Variants in DCC observed in about 807,000 individuals in gnomAD.
DCC encodes the protein DCC netrin 1 receptor, also known as netrin receptor DCC.
DCC carries 58 observed loss-of-function variants against 172.5 expected under a neutral mutation model. The observed-to-expected ratio is 0.34, with a 90% confidence interval of 0.27 to 0.42. The LOEUF (loss-of-function observed/expected upper bound fraction) is 0.42. Among genes scored for constraint, DCC ranks in the 10% least tolerant of loss-of-function variants. The probability of loss-of-function intolerance (pLI) is 1.00; values close to 1 mark genes in which losing one functional copy is unlikely to be tolerated. For synonymous variants in DCC, 709 were observed against 644.5 expected (o/e 1.10, Z -1.52); for missense variants, 1,740 against 1,791.0 (o/e 0.97, Z 0.51).
intron 5 of DCC, among the ~76,000 whole-genome samples, chr18:52,931,343 A>G (rs17391470): frequency 0.26 from 40,073 of 152,026 alleles, 5,494 homozygotes; most frequent in Admixed American, 0.33. Flanking sequence ...TAAGAATTTA[A>G]TCATATTTGT....
chr18:53,530,428 C>T (rs1265572716), intron 28 of DCC, 136 bp from the exon 29 acceptor site: 6 of 730,736 alleles, frequency 8.2e-6, no homozygotes, highest in African/African-American at 5.2e-5. Context: ...TGAGTATATT[C>T]CAAGGACAGC....
intron 5 of DCC, among the ~76,000 whole-genome samples, chr18:52,972,322 A>AT: frequency 6.6e-6 from 1 of 152,316 alleles, no homozygotes; most frequent in Admixed American, 6.5e-5. Flanking sequence ...TTTGTGTAAC[A>AT]TGCCACTAAA....
At chr18:53,281,530 T>C (rs978432866) in intron 12 of DCC, among the ~76,000 whole-genome samples, 1 of 152,198 alleles carries the variant, frequency 6.6e-6, no homozygotes, top group Non-Finnish European at 1.5e-5. Context: ...TTTTAGGTAC[T>C]GTTCAATCTA....
intron 11 of DCC, 104 bp downstream of exon 11, chr18:53,207,921 G>C (rs2055678878): frequency 9.0e-7 from 1 of 1,105,790 alleles, no homozygotes; most frequent in Non-Finnish European, 1.4e-6. Flanking sequence ...AAGGCTTCCT[G>C]ACTAAAATTT....
At chr18:53,048,394 G>A (rs767069740) in intron 5 of DCC, among the ~76,000 whole-genome samples, 5 of 151,578 alleles carry the variant, frequency 3.3e-5, no homozygotes, top group Non-Finnish European at 7.4e-5. Context: ...TTCTGTTTCT[G>A]CGTTAGTTTG....
chr18:53,487,005 A>G, intron 26 of DCC, 47 bp downstream of exon 26: 2 of 1,611,238 alleles, frequency 1.2e-6, no homozygotes, highest in Non-Finnish European at 1.7e-6. Flanking sequence ...GAATAATAGC[A>G]AAGGTGTCTT....
chr18:52,888,779 A>C (rs1372308692), intron 2 of DCC, among the ~76,000 whole-genome samples: 1 of 152,082 alleles, frequency 6.6e-6, no homozygotes, highest in Non-Finnish European at 1.5e-5. Context: ...TTAGCAAGAA[A>C]ACATGTGAAG....
chr18:52,752,511 T>C (rs2037014099), intron 2 of DCC, 137 bp downstream of exon 2: 3 of 725,608 alleles, frequency 4.1e-6, no homozygotes, highest in Non-Finnish European at 4.7e-6. Context: ...CAAGTAATTA[T>C]ATATTTTTAT....
At chr18:53,206,202 AATAC>A (rs1377451729) in intron 10 of DCC, among the ~76,000 whole-genome samples, 11 of 121,518 alleles carry the variant, frequency 9.1e-5, no homozygotes, top group Admixed American at 8.2e-4. Flanking sequence ...ATACATATAT[AATAC>A]ATATACATGT....
At chr18:53,228,274 TAAAA>T (rs962395090) in intron 12 of DCC, among the ~76,000 whole-genome samples, 11 of 151,992 alleles carry the variant, frequency 7.2e-5, no homozygotes, top group African/African-American at 2.4e-4. Flanking sequence ...AAATAAAAAA[TAAAA>T]AATCCAGATG....
chr18:53,050,646 G>A (rs997829010), intron 5 of DCC, among the ~76,000 whole-genome samples: 8 of 152,182 alleles, frequency 5.3e-5, no homozygotes, highest in Non-Finnish European at 1.0e-4. Context: ...CTTTGCTGAA[G>A]TTGTTTATCA....
chr18:53,109,588 C>T (rs1014499033), intron 7 of DCC, among the ~76,000 whole-genome samples: 15 of 144,932 alleles, frequency 1.0e-4, no homozygotes, highest in South Asian at 2.3e-4. Context: ...CTCCCTCCCT[C>T]CTTCCTTCCT....
intron 1 of DCC, among the ~76,000 whole-genome samples, chr18:52,657,726 AC>A (rs1568278592): frequency 6.6e-6 from 1 of 152,172 alleles, no homozygotes; most frequent in Non-Finnish European, 1.5e-5. Flanking sequence ...ATATGTCTAT[AC>A]ACCTATTTCT....
chr18:52,649,062 A>G (rs2035071497), intron 1 of DCC, among the ~76,000 whole-genome samples: 1 of 152,168 alleles, frequency 6.6e-6, no homozygotes, highest in Admixed American at 6.5e-5. Flanking sequence ...TAAAATACGC[A>G]GAAGAACTGT....
intron 21 of DCC, among the ~76,000 whole-genome samples, chr18:53,432,005 G>A (rs1599145073): frequency 1.3e-5 from 2 of 151,826 alleles, no homozygotes; most frequent in African/African-American, 4.8e-5. Flanking sequence ...TAAAAATTTA[G>A]TATGATATGC....
intron 21 of DCC, among the ~76,000 whole-genome samples, chr18:53,421,821 A>T (rs17507725): frequency 0.43 from 65,662 of 152,016 alleles, 15,986 homozygotes; most frequent in Non-Finnish European, 0.56. Context: ...TAGAATAAAA[A>T]CTCAGGCATA....
At chr18:53,392,232 T>A (rs1908594599) in intron 17 of DCC, among the ~76,000 whole-genome samples, 1 of 152,130 alleles carries the variant, frequency 6.6e-6, no homozygotes, top group African/African-American at 2.4e-5. Flanking sequence ...TATCTTTTTT[T>A]TTTTTCCATT....
chr18:52,348,449 G>A (rs1225714098), intron 1 of DCC, among the ~76,000 whole-genome samples: 5 of 152,160 alleles, frequency 3.3e-5, no homozygotes, highest in Non-Finnish European at 5.9e-5. Flanking sequence ...TTTGCTTCAT[G>A]CCTCTGCCAA....
intron 1 of DCC, among the ~76,000 whole-genome samples, chr18:52,462,014 C>T (rs1988645766): frequency 6.6e-6 from 1 of 152,146 alleles, no homozygotes; most frequent in Admixed American, 6.5e-5. Flanking sequence ...AACTTTGGTA[C>T]CATTTTTGAC....
Sources: allele counts gnomAD v4.1 joint callset (sites outside exome capture counted in the v4.1 genomes callset), GRCh38; gene constraint gnomAD v4.1.1; transcripts MANE v1.5; gene names NCBI Gene and HGNC (gene_info 2026-07-23, HGNC 2026-07-21).